The following ZNF442 variants were observed in gnomAD, a reference collection of about 807,000 sequenced individuals.
The protein encoded by ZNF442 is zinc finger protein 442.
ZNF442 carries 45 observed loss-of-function variants against 57.0 expected under a neutral mutation model. The ratio of observed to expected loss-of-function variants is 0.79; its 90% CI spans 0.62 to 1.01. The LOEUF (loss-of-function observed/expected upper bound fraction) is 1.01. Among genes scored for constraint, ZNF442 ranks in the 50% least tolerant of loss-of-function variants. The probability of loss-of-function intolerance (pLI) is 0.00; values close to 1 mark genes in which losing one functional copy is unlikely to be tolerated. For missense variants in ZNF442, 690 were observed against 756.5 expected (o/e 0.91, Z 1.03); for synonymous variants, 213 against 241.8 (o/e 0.88, Z 1.10).
At position 12,353,103 on chromosome 19, in the gene ZNF442, G is replaced by A. The variant is rs753790827; in HGVS notation, c.90C>T (p.Ala30=). ...TGAAGTTCACCGCCACATCCTCAAA[G>A]GCTACTGAATCCTGAAACACCCCAC... is the stretch of plus-strand genomic sequence containing the variant. ...NEERKQYDSV[A]FEDVAVNFTQ... Residue 30 remains alanine, a synonymous_variant, in exon 4 of 6, where the codon GCC becomes GCT. Coordinates refer to ENST00000242804, the MANE Select transcript of ZNF442 (RefSeq NM_030824.3). 1 of 1,611,304 alleles carries A rather than the reference G, an allele frequency of 6.2e-7. No individual in the cohort carries two copies. Among genetic ancestry groups the A allele is most frequent in the Non-Finnish European group, 8.5e-7 (1 of 1,179,202 alleles).
chr19:12,349,053 T>C lies in ZNF442; in HGVS notation c.*648A>G, dbSNP rs2145831778. The C allele has an allele frequency of 7.3e-6, 1 of 137,258 alleles. No individual in the cohort carries two copies. Among genetic ancestry groups the C allele is most frequent in the South Asian group, 2.3e-4 (1 of 4,280 alleles). 8.5% of individuals were successfully genotyped at this position (137,258 alleles called of 1,614,324 possible). On this transcript the variant is annotated 3_prime_UTR_variant, in exon 6 of 6. Coordinates refer to ENST00000242804, the MANE Select transcript of ZNF442 (RefSeq NM_030824.3). ...AAAAAAAAAAAAAAAAAAAAAAAAT[T>C]AGCTGGGTGTGGTGGCATGCATCTG...
upstream of ZNF442, among the ~76,000 whole-genome samples, chr19:12,369,353 T>C (rs1444750146): frequency 6.6e-6 from 1 of 152,220 alleles, no homozygotes; most frequent in Non-Finnish European, 1.5e-5. Context: ...GTGCAGTGGC[T>C]CACGCCTGTA....
rs1969166143 is a variant in ZNF442 at position 12,348,827 on chromosome 19, A to G, written c.*874T>C. The G allele has an allele frequency of 6.6e-6, 1 of 151,972 alleles. No individual in the cohort carries two copies. Among genetic ancestry groups the G allele is most frequent in the African/African-American group, 2.4e-5 (1 of 41,370 alleles). The allele number at this position is 151,972 out of a possible 1,614,324, so 9.4% of individuals were successfully genotyped here. On this transcript the variant is annotated 3_prime_UTR_variant, in exon 6 of 6. Coordinates refer to ENST00000242804, the MANE Select transcript of ZNF442 (RefSeq NM_030824.3). Reference sequence around the variant, plus strand: ...GGGTTATCAAGCAAGAAGGATCAGGATTTTCATAAGTGTTAACACACGATT... The same window carrying G: ...GGGTTATCAAGCAAGAAGGATCAGGGTTTTCATAAGTGTTAACACACGATT...
chr19:12,354,009 T>C (rs1969285871), intron 3 of ZNF442, among the ~76,000 whole-genome samples: 1 of 152,176 alleles, frequency 6.6e-6, no homozygotes, highest in Non-Finnish European at 1.5e-5. Flanking sequence ...GACTTTGGAC[T>C]TCCCAGCCTC....
chr19:12,353,582 G>C (rs1157185344), intron 3 of ZNF442, among the ~76,000 whole-genome samples: 5 of 152,170 alleles, frequency 3.3e-5, no homozygotes, highest in African/African-American at 7.2e-5. Context: ...TGCATAAACT[G>C]TTTATGGAGA....
chr19:12,366,714 T>A (rs1969535610), upstream of ZNF442, among the ~76,000 whole-genome samples: 1 of 152,182 alleles, frequency 6.6e-6, no homozygotes, highest in Non-Finnish European at 1.5e-5. Flanking sequence ...CACTGCAACC[T>A]CCGCCTCCCA....
intron 3 of ZNF442, among the ~76,000 whole-genome samples, chr19:12,362,969 C>T (rs142902800): frequency 0.012 from 1,870 of 151,162 alleles, 34 homozygotes; most frequent in African/African-American, 0.04. Flanking sequence ...TAGTGAAACC[C>T]CGTCTCTACT....
Position 12,353,596 on chromosome 19 carries a change from T to C in ZNF442, c.79-482A>G, listed in dbSNP as rs1286753794. Among the ~76,000 whole-genome samples the C allele has an allele frequency of 3.9e-5, 6 of 152,124 alleles. No individual in the cohort carries two copies. The East Asian group carries it at 1.2e-3, about 29-fold the overall frequency. On this transcript the variant is annotated intron_variant, in intron 3 of 5. Transcript: ENST00000242804. ...GTGCATAAACTGTTTATGGAGAAAG[T>C]ATAGTATTTGCTTAACTCTTACCTT...
intron 2 of ZNF442, 47 bp from the exon 3 acceptor site, chr19:12,363,718 T>A (rs79815633): frequency 5.9e-4 from 731 of 1,246,546 alleles, no homozygotes; most frequent in Non-Finnish European, 8.2e-4. Flanking sequence ...GTTAGCTTTT[T>A]ATAGAAATGG....
chr19:12,350,707 T>C lies in ZNF442; in HGVS notation c.878A>G (p.Tyr293Cys), dbSNP rs1319704228. ...HERTHTGEKPYKCKRCGRAFS... is the reference protein window; with the variant it reads ...HERTHTGEKPCKCKRCGRAFS... ...GGCTCTTCCACATCGTTTACATTTATAGGGTTTTTCTCCAGTGTGAGTTCT... is the reference window on the plus strand; with the variant it reads ...GGCTCTTCCACATCGTTTACATTTACAGGGTTTTTCTCCAGTGTGAGTTCT... The change falls in exon 6 of 6, where the codon TAT becomes TGT. Residue 293 changes from tyrosine (Y) to cysteine (C), a missense_variant. By Grantham distance (194) the Tyr-to-Cys change is radical. Coordinates refer to ENST00000242804, the MANE Select transcript of ZNF442 (RefSeq NM_030824.3). 2 of 1,613,922 alleles carry C rather than the reference T, an allele frequency of 1.2e-6. No homozygotes were observed. The highest frequency in any genetic ancestry group is 1.1e-5 in the South Asian group (1 of 90,992).
chr19:12,354,098 C>T (rs973753403), intron 3 of ZNF442, among the ~76,000 whole-genome samples: 2 of 152,192 alleles, frequency 1.3e-5, no homozygotes, highest in African/African-American at 4.8e-5. Context: ...AAAAAACACA[C>T]TAAGGTAGAC....
Position 12,350,562 on chromosome 19 carries a change from T to C in ZNF442, c.1023A>G (p.Ile341Met), listed in dbSNP as rs767800692. 10 of 1,613,976 alleles carry C rather than the reference T, an allele frequency of 6.2e-6. No individual in the cohort carries two copies. The highest frequency in any genetic ancestry group is 3.3e-5 in the South Asian group (3 of 91,060). The part of the protein sequence containing the change: ...HHLGSFQRHM[I>M]RHTGDGPHKC... Reference sequence around the variant, plus strand: ...TATGAGGTCCATCTCCAGTGTGCCTTATCATGTGTCTTTGAAAGCTTCCCA... The same window carrying C: ...TATGAGGTCCATCTCCAGTGTGCCTCATCATGTGTCTTTGAAAGCTTCCCA... The change falls in exon 6 of 6, where the codon ATA (isoleucine) becomes ATG (methionine). Residue 341 changes from isoleucine to methionine, a missense_variant. Physicochemically the swap from Ile to Met is conservative, Grantham distance 10. Coordinates refer to ENST00000242804, the MANE Select transcript of ZNF442 (RefSeq NM_030824.3).
intron 3 of ZNF442, among the ~76,000 whole-genome samples, chr19:12,357,970 T>TA (rs1354790481): frequency 6.6e-6 from 1 of 151,386 alleles, no homozygotes; most frequent in East Asian, 1.9e-4. Flanking sequence ...CACCTTTTTT[T>TA]TTTTTTTTTT....
At position 12,348,379 on chromosome 19, in the gene ZNF442, TAAAG is replaced by T. The variant is rs748626609; in HGVS notation, c.*1318_*1321del. 4 of 151,776 alleles carry T rather than the reference TAAAG, an allele frequency of 2.6e-5. No individual in the cohort carries two copies. The highest frequency in any genetic ancestry group is 4.4e-5 in the Non-Finnish European group (3 of 67,936). 9.4% of individuals were successfully genotyped at this position (151,776 alleles called of 1,614,324 possible). A position where few individuals can be genotyped will look rare whatever the true frequency, so the allele number is the denominator to read the frequency against. ...TAAATAAATAAAAATAAAAATAAAATAAAGATTGCCATCCTCAAGTAAGATCCTT... is the reference window on the plus strand; with the variant it reads ...TAAATAAATAAAAATAAAAATAAAATATTGCCATCCTCAAGTAAGATCCTT... On this transcript the variant is annotated 3_prime_UTR_variant, in exon 6 of 6. Coordinates refer to ENST00000242804, the MANE Select transcript of ZNF442 (RefSeq NM_030824.3).
chr19:12,373,103 A>G, the ZNF442 span, among the ~76,000 whole-genome samples: 1 of 152,188 alleles, frequency 6.6e-6, no homozygotes, highest in Non-Finnish European at 1.5e-5. Flanking sequence ...CATTTATAGC[A>G]TATCTAGCCA....
At chr19:12,373,508 C>T in the ZNF442 span, 1 of 153,470 alleles carries the variant, frequency 6.5e-6, no homozygotes. Flanking sequence ...CCCAATTACA[C>T]TCCAGCCTGG....
At chr19:12,371,304 GCA>G in the ZNF442 span, among the ~76,000 whole-genome samples, 3 of 152,106 alleles carry the variant, frequency 2.0e-5, no homozygotes, top group East Asian at 1.9e-4. Context: ...ACACACACAT[GCA>G]CACACACACT....
rs775020500 is a variant in ZNF442, at chr19:12,350,429, A to T, written c.1156T>A (p.Leu386Ile). 1.9e-6 allele frequency: 3 copies of T among 1,612,546 alleles called. No individual in the cohort carries two copies. The highest frequency in any genetic ancestry group is 2.5e-6 in the Non-Finnish European group (3 of 1,179,766). The change falls in exon 6 of 6, where the codon TTA (leucine) becomes ATA (isoleucine). Residue 386 changes from leucine to isoleucine, a missense_variant. Transcript: ENST00000242804. ...PYECKQCGKA[L>I]SHHSSFRSHM... is the part of the protein sequence containing the mutation. ...CTTCGAAAGCTTGAGTGATGAGATA[A>T]CGCTTTCCCACACTGCTTGCATTCA... is the stretch of plus-strand genomic sequence containing the variant.
intron 1 of ZNF442, 90 bp downstream of exon 1, chr19:12,365,443 C>T: frequency 3.1e-6 from 1 of 322,370 alleles, no homozygotes. Context: ...GCAGTCGCCG[C>T]GGGGACGCCC....
Sources: gnomAD v4.1 joint callset for allele counts (sites outside exome capture counted in the v4.1 genomes callset) on GRCh38, gnomAD v4.1.1 for gene constraint, MANE v1.5 for transcripts, NCBI Gene and HGNC (gene_info 2026-07-23, HGNC 2026-07-21) for gene names.